Variants in ECHDC2 observed in about 807,000 individuals in gnomAD.
ECHDC2 encodes enoyl-CoA hydratase domain-containing protein 2, mitochondrial.
In ECHDC2, 34 loss-of-function variants were observed where a neutral mutation model predicts 40.6. That is an observed-to-expected ratio of 0.84 (90% CI 0.64 to 1.11). ECHDC2 has a LOEUF of 1.11. Ranked by LOEUF, ECHDC2 falls within the 50% of genes most tolerant of loss-of-function variation. The probability of loss-of-function intolerance (pLI) is 0.00; values close to 1 mark genes in which losing one functional copy is unlikely to be tolerated. For missense variants in ECHDC2, 392 were observed against 400.7 expected, an observed-to-expected ratio of 0.98 and a Z score of 0.19; for synonymous variants, 162 against 166.6, an observed-to-expected ratio of 0.97 and a Z score of 0.21.
Position 52,906,499 on chromosome 1 carries a change from C to T in ECHDC2, c.457+20G>A. 1 of 1,595,018 alleles carries T rather than the reference C, an allele frequency of 6.3e-7. No individual in the cohort carries two copies. Among genetic ancestry groups the T allele is most frequent in the Non-Finnish European group, 8.6e-7 (1 of 1,169,146 alleles). On this transcript the variant is annotated intron_variant, in intron 5 of 9. Coordinates refer to ENST00000371522, the MANE Select transcript of ECHDC2 (RefSeq NM_001198961.2). ...CTGACTCCCTAGCCCCACCCCCTGC[C>T]CCCAGTCCTGGCCCAGTACCTGCCA... is the stretch of plus-strand genomic sequence containing the variant.
At position 52,907,829 on chromosome 1, in the gene ECHDC2, C is replaced by T. The variant is rs1361208039; in HGVS notation, c.364+39G>A. On this transcript the variant is annotated intron_variant, in intron 4 of 9. Coordinates refer to ENST00000371522, the MANE Select transcript of ECHDC2 (RefSeq NM_001198961.2). ...TAGCGGGACTGTCATCGGCAGGGAC[C>T]CCCAAACCCCCTCCTCCACCCCACA... 5.8e-6 allele frequency: 9 copies of T among 1,548,428 alleles called. No homozygotes were observed. The Admixed American group carries it at 1.2e-4, about 21-fold the overall frequency.
In ECHDC2 at chr1:52,913,850, G is replaced by A. The variant is rs544257956; in HGVS notation, c.122-2060C>T. ...GGTTTACACAGATGCATAATGACAC[G>A]TATCTGCCTTGGCTTTGGCAGGCCC... On this transcript the variant is annotated intron_variant, in intron 1 of 9. Transcript: ENST00000371522. 10 of 917,756 alleles carry A rather than the reference G, an allele frequency of 1.1e-5. No individual in the cohort carries two copies. The African/African-American group carries it at 1.2e-4, about 11-fold the overall frequency. 56.9% of individuals were successfully genotyped at this position (917,756 alleles called of 1,614,324 possible).
At position 52,920,524 on chromosome 1, in the gene ECHDC2, A is replaced by G. The variant is rs538017047; in HGVS notation, c.121+1029T>C. The G allele has an allele frequency of 2.3e-4, 349 of 1,533,438 alleles. 2 individuals are homozygous for G. Among genetic ancestry groups the G allele is most frequent in the South Asian group, 9.1e-4 (79 of 86,824 alleles). The allele number at this position is 1,533,438 out of a possible 1,614,324, so 95.0% of individuals were successfully genotyped here. The stretch of plus-strand genomic sequence containing the variant: ...CAAAAAGAGGAGCAGAAGAAACTCG[A>G]GGAGCTAAAATGGAAGGCCACGGGG... On this transcript the variant is annotated intron_variant, in intron 1 of 9. Transcript: ENST00000371522.
At chr1:52,907,557 A>G (rs1173142832) in intron 4 of ECHDC2, 1 of 331,854 alleles carries the variant, frequency 3.0e-6, no homozygotes, top group African/African-American at 2.1e-5. Context: ...AGTAACCAAG[A>G]AGGGGTATCT....
intron 1 of ECHDC2, chr1:52,920,438 A>C (rs1651620694): frequency 8.6e-7 from 1 of 1,163,546 alleles, no homozygotes; most frequent in Admixed American, 2.0e-5. Context: ...GAAGCCACTG[A>C]AACAGCCCAA....
chr1:52,896,768 C>G, intron 9 of ECHDC2, 171 bp from the exon 10 acceptor site: 1 of 599,684 alleles, frequency 1.7e-6, no homozygotes, highest in Non-Finnish European at 3.0e-6. Context: ...GCTTTGTCTC[C>G]TGGGGAAGAC....
chr1:52,907,786 C>G, intron 4 of ECHDC2, 82 bp downstream of exon 4: 1 of 1,212,228 alleles, frequency 8.2e-7, no homozygotes, highest in Non-Finnish European at 1.2e-6. Context: ...GAAGACTCTC[C>G]TTAGATGCTG....
chr1:52,904,892 G>T, intron 6 of ECHDC2, 59 bp from the exon 7 acceptor site: 1 of 1,595,568 alleles, frequency 6.3e-7, no homozygotes, highest in South Asian at 1.1e-5. Context: ...CCCAGAGAAG[G>T]CTCAGCCTGG....
chr1:52,900,838 GTTA>G (rs1646943759), intron 7 of ECHDC2: 1 of 152,144 alleles, frequency 6.6e-6, no homozygotes, highest in South Asian at 2.1e-4. Context: ...TGCCATATGT[GTTA>G]TTATTTAGGT....
At chr1:52,899,315 G>C in intron 7 of ECHDC2, 91 bp from the exon 8 acceptor site, 391 of 1,167,562 alleles carry the variant, frequency 3.3e-4, no homozygotes, top group Non-Finnish European at 4.3e-4. Flanking sequence ...AAGGAGGGAG[G>C]CAGATGTCTG....
At position 52,914,297 on chromosome 1, in the gene ECHDC2, C is replaced by T. The variant is rs1414391198; in HGVS notation, c.122-2507G>A. Among the ~76,000 whole-genome samples the T allele has an allele frequency of 1.3e-5, 2 of 152,140 alleles. No individual in the cohort carries two copies. The highest frequency in any genetic ancestry group is 4.8e-5 in the African/African-American group (2 of 41,420). ...TGGCCAGGCAAAAGATGTAAGAGTG[C>T]ATGTGTGCATGTAAGTGTGCATGCA... On this transcript the variant is annotated intron_variant, in intron 1 of 9. Coordinates refer to ENST00000371522, the MANE Select transcript of ECHDC2 (RefSeq NM_001198961.2). This position sits in a 1 kb window ranked among gnomAD's most constrained non-coding sequence, Gnocchi z 4.0.
At position 52,904,738 on chromosome 1, in the gene ECHDC2, G is replaced by A; in HGVS notation, c.610C>T (p.Leu204=). The A allele has an allele frequency of 1.2e-6, 2 of 1,612,878 alleles. No individual in the cohort carries two copies. Among genetic ancestry groups the A allele is most frequent in the South Asian group, 2.2e-5 (2 of 91,084 alleles). ...RRLSGTEAHV[L]GLVNHAVAQN... ...GCCACAGCGTGATTCACCAGCCCCA[G>A]TACGTGGGCCTCAGTTCCACTCAGT... is the stretch of plus-strand genomic sequence containing the variant. The change falls in exon 7 of 10, where the codon CTG becomes TTG. Residue 204 remains leucine (L), a synonymous_variant. Transcript: ENST00000371522.
upstream of ECHDC2, chr1:52,921,768 G>T (rs1018975993): frequency 3.7e-5 from 52 of 1,418,682 alleles, no homozygotes; most frequent in Non-Finnish European, 4.6e-5. Flanking sequence ...CGAAGCCTTC[G>T]CCAATTGCTC....
chr1:52,902,220 G>A (rs1430202273), intron 7 of ECHDC2, among the ~76,000 whole-genome samples: 1 of 152,092 alleles, frequency 6.6e-6, no homozygotes, highest in Non-Finnish European at 1.5e-5. Flanking sequence ...GCAGTGGTGC[G>A]ATCTCGGCTC....
rs552039044 is a variant in ECHDC2, at chr1:52,910,252, T to C, written c.277+1314A>G. 2.0e-5 allele frequency among the ~76,000 whole-genome samples: 3 copies of C among 151,522 alleles called. No homozygotes were observed. The East Asian group carries it at 5.8e-4, about 29-fold the overall frequency. Reference sequence around the variant, plus strand: ...GTTCTGGGAATGGATAGCGGTGACATTGCACAATATTGTGAATGTACTTAA... The same window carrying C: ...GTTCTGGGAATGGATAGCGGTGACACTGCACAATATTGTGAATGTACTTAA... On this transcript the variant is annotated intron_variant, in intron 3 of 9. Transcript: ENST00000371522.
chr1:52,898,068 T>C (rs1272463041), intron 8 of ECHDC2: 1 of 165,518 alleles, frequency 6.0e-6, no homozygotes, highest in Non-Finnish European at 1.3e-5. Flanking sequence ...TGCCCATACT[T>C]TTCCTCTGGA....
At chr1:52,910,222 A>G (rs1328971572) in intron 3 of ECHDC2, among the ~76,000 whole-genome samples, 1 of 152,042 alleles carries the variant, frequency 6.6e-6, no homozygotes, top group Admixed American at 6.6e-5. Flanking sequence ...TGGTATGATA[A>G]AGAAGTTCTG....
chr1:52,919,254 A>G (rs187937497), intron 1 of ECHDC2, among the ~76,000 whole-genome samples: 1 of 152,314 alleles, frequency 6.6e-6, no homozygotes, highest in African/African-American at 2.4e-5. Flanking sequence ...CACCCAGTGC[A>G]GCTTCCAGTC....
In ECHDC2 at chr1:52,896,491, A is replaced by C. The variant is rs758528073; in HGVS notation, c.*29T>G. The C allele has an allele frequency of 1.9e-6, 3 of 1,578,754 alleles. No homozygotes were observed. In the Admixed American group the frequency reaches 5.0e-5, roughly 26 times the overall value. ...CTGGATCCTGCTCTTCAGGGCATGC[A>C]TCTCCCATGCTGAAGGTTAAAATGG... On this transcript the variant is annotated 3_prime_UTR_variant, in exon 10 of 10. Coordinates refer to ENST00000371522, the MANE Select transcript of ECHDC2 (RefSeq NM_001198961.2).
Sources: gnomAD v4.1 joint callset for allele counts (sites outside exome capture counted in the v4.1 genomes callset) on GRCh38, gnomAD v4.1.1 for gene constraint, Gnocchi (gnomAD v3.1) non-coding constraint, MANE v1.5 for transcripts, NCBI Gene and HGNC (gene_info 2026-07-23, HGNC 2026-07-21) for gene names.